The following GRIK3 variants were observed in gnomAD, a reference collection of about 807,000 sequenced individuals.
The protein encoded by GRIK3 is glutamate receptor ionotropic, kainate 3.
GRIK3 carries 29 observed loss-of-function variants against 102.5 expected under a neutral mutation model. That is an observed-to-expected ratio of 0.28 (90% CI 0.21 to 0.39). The LOEUF (loss-of-function observed/expected upper bound fraction) is 0.39. Among genes scored for constraint, GRIK3 ranks in the 10% least tolerant of loss-of-function variants. GRIK3 has a pLI of 1.00. For synonymous variants in GRIK3, 511 were observed against 504.9 expected (o/e 1.01, Z -0.16); for missense variants, 908 against 1,252.4 (o/e 0.73, Z 4.15).
chr1:36,962,898 AAAAAG>A (rs1464717217), intron 1 of GRIK3, among the ~76,000 whole-genome samples: 1 of 151,590 alleles, frequency 6.6e-6, no homozygotes, highest in African/African-American at 2.4e-5. Context: ...AAAAAAAAAA[AAAAAG>A]GAGGAAGGAA....
At chr1:37,007,943 G>T (rs1642549778) in intron 1 of GRIK3, among the ~76,000 whole-genome samples, 1 of 152,222 alleles carries the variant, frequency 6.6e-6, no homozygotes, top group Non-Finnish European at 1.5e-5. Flanking sequence ...TGTGCTGAGG[G>T]CTCGAGTGCT....
At chr1:36,893,575 T>C (rs573234432) in intron 1 of GRIK3, among the ~76,000 whole-genome samples, 1 of 152,342 alleles carries the variant, frequency 6.6e-6, no homozygotes, top group South Asian at 2.1e-4. Flanking sequence ...TAGAAAGAGA[T>C]ACCTGCTTAA....
At chr1:36,869,392 G>A (rs1262778106) in intron 5 of GRIK3, among the ~76,000 whole-genome samples, 1 of 152,222 alleles carries the variant, frequency 6.6e-6, no homozygotes, top group African/African-American at 2.4e-5. Flanking sequence ...GGCACTGCGT[G>A]TTACCTTATT....
intron 1 of GRIK3, among the ~76,000 whole-genome samples, chr1:36,969,451 C>G (rs899556813): frequency 6.6e-6 from 1 of 152,244 alleles, no homozygotes; most frequent in African/African-American, 2.4e-5. Flanking sequence ...TCCCAACACA[C>G]ACATAATCAT....
intron 1 of GRIK3, among the ~76,000 whole-genome samples, chr1:36,940,004 G>A (rs548041013): frequency 1.3e-5 from 2 of 152,282 alleles, no homozygotes; most frequent in East Asian, 1.9e-4. Context: ...CACTATTCTC[G>A]GAGCTGGGTA....
intron 1 of GRIK3, among the ~76,000 whole-genome samples, chr1:37,025,787 A>T (rs187813239): frequency 3.2e-4 from 48 of 152,304 alleles, no homozygotes; most frequent in African/African-American, 1.1e-3. Flanking sequence ...TATGAATTGG[A>T]ACCCTTTTAA....
At chr1:36,995,096 T>C (rs1273530596) in intron 1 of GRIK3, among the ~76,000 whole-genome samples, 1 of 151,966 alleles carries the variant, frequency 6.6e-6, no homozygotes, top group African/African-American at 2.4e-5. Flanking sequence ...GAGGGAGTGG[T>C]TTCATGAAAC....
chr1:36,847,154 G>A (rs1312481936), intron 9 of GRIK3, among the ~76,000 whole-genome samples: 2 of 152,240 alleles, frequency 1.3e-5, no homozygotes, highest in Admixed American at 6.5e-5. Flanking sequence ...TCCATAGGCG[G>A]TGGGATATCT....
intron 9 of GRIK3, among the ~76,000 whole-genome samples, chr1:36,846,850 A>ATCTC (rs1640524894): frequency 6.6e-6 from 1 of 152,204 alleles, no homozygotes; most frequent in Admixed American, 6.5e-5. Context: ...GGGAGCGAGC[A>ATCTC]TCTCTCCTCA....
At chr1:36,841,433 G>T (rs1366840521) in intron 10 of GRIK3, among the ~76,000 whole-genome samples, 1 of 152,194 alleles carries the variant, frequency 6.6e-6, no homozygotes, top group Non-Finnish European at 1.5e-5. Context: ...GAAGCCACAG[G>T]CCTCCTCCAG....
At chr1:37,033,616 C>T (rs1180417390) in intron 1 of GRIK3, among the ~76,000 whole-genome samples, 2 of 152,252 alleles carry the variant, frequency 1.3e-5, no homozygotes, top group Non-Finnish European at 2.9e-5. Flanking sequence ...TTGGCGCCTT[C>T]CCCAGGGTCC....
At chr1:36,928,959 G>A (rs1207064863) in intron 1 of GRIK3, among the ~76,000 whole-genome samples, 1 of 152,182 alleles carries the variant, frequency 6.6e-6, no homozygotes, top group Admixed American at 6.5e-5. Flanking sequence ...TATACATAAT[G>A]AGAATGACTC....
intron 1 of GRIK3, among the ~76,000 whole-genome samples, chr1:36,962,789 C>T (rs1223140725): frequency 6.8e-6 from 1 of 147,998 alleles, no homozygotes; most frequent in Non-Finnish European, 1.5e-5. Context: ...GAGGTTGAGG[C>T]AGGAGGATAG....
At chr1:36,883,750 C>T (rs115668336) in intron 2 of GRIK3, among the ~76,000 whole-genome samples, 2,388 of 151,860 alleles carry the variant, frequency 0.016, 38 homozygotes, top group Middle Eastern at 0.027. Flanking sequence ...AAGGGTCCCT[C>T]TCGCCTGGGC....
In GRIK3 at chr1:36,801,944, G is replaced by A. The variant is rs201433407; in HGVS notation, c.2667C>T (p.Asp889=). 2.0e-4 allele frequency: 315 copies of A among 1,614,000 alleles called. No individual in the cohort carries two copies. Among genetic ancestry groups the A allele is most frequent in the Non-Finnish European group, 2.4e-4 (286 of 1,179,936 alleles). ...KPQPPMMVKT[D]AVINMHTFND... is the part of the protein sequence containing the mutation. Reference sequence around the variant, plus strand: ...TGAATGTGTGCATGTTGATGACGGCGTCAGTCTTGACCATCATGGGAGGCT... The same window carrying A: ...TGAATGTGTGCATGTTGATGACGGCATCAGTCTTGACCATCATGGGAGGCT... Residue 889 remains aspartate, a synonymous_variant, in exon 16 of 16, where the codon GAC becomes GAT. Transcript: ENST00000373091.
chr1:36,979,171 G>A (rs1032110245), intron 1 of GRIK3, among the ~76,000 whole-genome samples: 2 of 152,186 alleles, frequency 1.3e-5, no homozygotes, highest in African/African-American at 4.8e-5. Flanking sequence ...CAATTTAATA[G>A]ACCAGTCATT....
At chr1:36,963,575 A>T (rs947216025) in intron 1 of GRIK3, among the ~76,000 whole-genome samples, 3 of 152,166 alleles carry the variant, frequency 2.0e-5, no homozygotes, top group Non-Finnish European at 4.4e-5. Context: ...AGGCTCAGAG[A>T]GGTCCAAGAT....
intron 9 of GRIK3, among the ~76,000 whole-genome samples, 191 bp from the exon 10 acceptor site, chr1:36,842,130 T>C (rs942357093): frequency 6.6e-6 from 1 of 152,272 alleles, no homozygotes; most frequent in South Asian, 2.1e-4. Flanking sequence ...GCCTCATGAA[T>C]GGCTACCTGG....
intron 1 of GRIK3, among the ~76,000 whole-genome samples, chr1:36,957,467 G>GCCCTATGA (rs1557440390): frequency 8.5e-6 from 1 of 118,212 alleles, no homozygotes. Context: ...GAGCCTATGT[G>GCCCTATGA]CTCTGTGAGT....
Sources: gnomAD v4.1 joint callset for allele counts (sites outside exome capture counted in the v4.1 genomes callset) on GRCh38, gnomAD v4.1.1 for gene constraint, MANE v1.5 for transcripts, NCBI Gene and HGNC (gene_info 2026-07-23, HGNC 2026-07-21) for gene names.